NPAS3: variants seen among roughly 807,000 people sequenced by gnomAD.
The protein encoded by NPAS3 is neuronal PAS domain protein 3.
In NPAS3, 14 loss-of-function variants were observed where a neutral mutation model predicts 73.1. The ratio of observed to expected loss-of-function variants is 0.19; its 90% CI spans 0.13 to 0.30. The LOEUF (loss-of-function observed/expected upper bound fraction) is 0.30, where lower values mean the gene tolerates loss of function less well. NPAS3 is among the 10% of genes least tolerant of loss of function. The probability of loss-of-function intolerance (pLI) is 1.00; values close to 1 mark genes in which losing one functional copy is unlikely to be tolerated. For missense variants in NPAS3, 1,096 were observed against 1,250.0 expected (o/e 0.88, Z 1.86); for synonymous variants, 620 against 541.5 (o/e 1.14, Z -2.01).
At chr14:33,127,520 A>G (rs1224414392) in intron 2 of NPAS3, among the ~76,000 whole-genome samples, 1 of 152,034 alleles carries the variant, frequency 6.6e-6, no homozygotes, top group East Asian at 1.9e-4. Flanking sequence ...TACTTGTGTT[A>G]CTTTGGGCTT....
intron 7 of NPAS3, among the ~76,000 whole-genome samples, chr14:33,762,024 A>G (rs77713802): frequency 0.03 from 4,540 of 152,300 alleles, 87 homozygotes; most frequent in African/African-American, 0.034. Flanking sequence ...TCTTTTCTAA[A>G]TAGATCCCAA....
chr14:33,357,916 A>G (rs970514836), intron 3 of NPAS3, among the ~76,000 whole-genome samples: 1 of 152,216 alleles, frequency 6.6e-6, no homozygotes, highest in Non-Finnish European at 1.5e-5. Context: ...AATTTGTCTA[A>G]GACCACCCAG....
chr14:33,505,076 G>C (rs1226253844), intron 4 of NPAS3, among the ~76,000 whole-genome samples: 2 of 151,974 alleles, frequency 1.3e-5, no homozygotes, highest in African/African-American at 4.8e-5. Flanking sequence ...GTTTGGCAAG[G>C]TTAACAAGTT....
chr14:33,294,720 C>A (rs1038725226), intron 3 of NPAS3, among the ~76,000 whole-genome samples: 2 of 152,154 alleles, frequency 1.3e-5, no homozygotes, highest in Admixed American at 6.6e-5. Context: ...ATCCTTTTCC[C>A]AAATTTTAAT....
At chr14:33,424,282 G>C (rs1220951958) in intron 4 of NPAS3, among the ~76,000 whole-genome samples, 1 of 152,016 alleles carries the variant, frequency 6.6e-6, no homozygotes, top group Non-Finnish European at 1.5e-5. Flanking sequence ...AGACTTAAAA[G>C]AAGGCTAAAG....
chr14:32,974,289 A>G (rs1340025689), intron 1 of NPAS3, among the ~76,000 whole-genome samples: 1 of 152,160 alleles, frequency 6.6e-6, no homozygotes, highest in Non-Finnish European at 1.5e-5. Flanking sequence ...TGAAACAGAA[A>G]CTCCATCCTC....
At chr14:33,014,087 C>G (rs2039308253) in intron 1 of NPAS3, among the ~76,000 whole-genome samples, 3 of 152,200 alleles carry the variant, frequency 2.0e-5, no homozygotes, top group South Asian at 2.1e-4. Context: ...TCCTTACTTC[C>G]CATAAGGTAT....
At chr14:33,537,288 C>G (rs1213838927) in intron 4 of NPAS3, among the ~76,000 whole-genome samples, 1 of 152,162 alleles carries the variant, frequency 6.6e-6, no homozygotes, top group Non-Finnish European at 1.5e-5. Context: ...GGCAGCTTCC[C>G]TAATTTAGGG....
At chr14:33,099,687 C>G (rs1403277462) in intron 2 of NPAS3, among the ~76,000 whole-genome samples, 2 of 152,040 alleles carry the variant, frequency 1.3e-5, no homozygotes, top group African/African-American at 4.8e-5. Flanking sequence ...GAAAACTAAT[C>G]CAAGGGATAG....
intron 6 of NPAS3, among the ~76,000 whole-genome samples, chr14:33,710,549 G>C (rs1227802833): frequency 6.6e-6 from 1 of 152,108 alleles, no homozygotes; most frequent in African/African-American, 2.4e-5. Flanking sequence ...TTACCCTTTT[G>C]GCTGGAAAAC....
chr14:33,765,542 G>A (rs746367408), intron 7 of NPAS3, among the ~76,000 whole-genome samples: 2 of 152,090 alleles, frequency 1.3e-5, no homozygotes, highest in African/African-American at 2.4e-5. Flanking sequence ...ATAAAGGAGC[G>A]TGCACAGGAA....
At chr14:33,279,694 G>T (rs1234132140) in intron 3 of NPAS3, among the ~76,000 whole-genome samples, 1 of 151,996 alleles carries the variant, frequency 6.6e-6, no homozygotes, top group Admixed American at 6.6e-5. Context: ...AGCATAACTC[G>T]GAGCACATAG....
chr14:33,067,423 A>G (rs553934286), intron 2 of NPAS3, among the ~76,000 whole-genome samples: 127 of 152,348 alleles, frequency 8.3e-4, no homozygotes, highest in African/African-American at 2.9e-3. Flanking sequence ...ATCTGTCCTT[A>G]CACTGTGGTT....
chr14:33,463,317 T>C (rs1282537553), intron 4 of NPAS3, among the ~76,000 whole-genome samples: 2 of 152,210 alleles, frequency 1.3e-5, no homozygotes, highest in Non-Finnish European at 2.9e-5. Context: ...GATTATATAT[T>C]TGTATCACCT....
intron 5 of NPAS3, among the ~76,000 whole-genome samples, chr14:33,562,546 G>A (rs892452121): frequency 2.0e-5 from 3 of 152,172 alleles, no homozygotes; most frequent in Admixed American, 6.5e-5. Flanking sequence ...TCAGTAGAAA[G>A]TGATTTTTGC....
At chr14:32,998,329 T>G (rs888241365) in intron 1 of NPAS3, among the ~76,000 whole-genome samples, 2 of 152,112 alleles carry the variant, frequency 1.3e-5, no homozygotes, top group Non-Finnish European at 2.9e-5. Flanking sequence ...AATAGGTAAA[T>G]CTATACAGAC....
chr14:33,055,961 A>G (rs1296970438), exon 2 of NPAS3: 1 of 810,278 alleles, frequency 1.2e-6, no homozygotes, highest in African/African-American at 1.7e-5. Flanking sequence ...ATCTACAGAT[A>G]TGACGGAATC....
intron 1 of NPAS3, among the ~76,000 whole-genome samples, chr14:32,964,039 G>A (rs1427750515): frequency 3.3e-5 from 5 of 151,324 alleles, no homozygotes; most frequent in African/African-American, 4.9e-5. Flanking sequence ...AAAATCCAAA[G>A]TGATCACATT....
intron 3 of NPAS3, among the ~76,000 whole-genome samples, chr14:33,305,497 C>A (rs542208863): frequency 8.5e-4 from 130 of 152,106 alleles, no homozygotes; most frequent in African/African-American, 2.9e-3. Context: ...GTGAATGGGG[C>A]TCTTAATAAC....
Sources: gnomAD v4.1 joint callset for allele counts (sites outside exome capture counted in the v4.1 genomes callset) on GRCh38, gnomAD v4.1.1 for gene constraint, MANE v1.5 for transcripts, NCBI Gene and HGNC (gene_info 2026-07-23, HGNC 2026-07-21) for gene names.